The following MAF variants were observed in gnomAD, a reference collection of about 807,000 sequenced individuals.
MAF encodes transcription factor Maf.
MAF carries 10 observed loss-of-function variants against 22.0 expected under a neutral mutation model. The observed-to-expected ratio is 0.45, with a 90% CI of 0.28 to 0.77. The LOEUF (loss-of-function observed/expected upper bound fraction) is 0.77. Ranked by LOEUF, MAF falls within the 30% of genes least tolerant of loss-of-function variation. The pLI is 0.12. For missense variants in MAF, 544 were observed against 548.4 expected, an observed-to-expected ratio of 0.99 and a Z score of 0.08; for synonymous variants, 337 against 255.8, an observed-to-expected ratio of 1.32 and a Z score of -3.03.
the MAF span, among the ~76,000 whole-genome samples, chr16:79,418,390 C>T: frequency 6.6e-6 from 1 of 152,000 alleles, no homozygotes; most frequent in South Asian, 2.1e-4. Context: ...CTGTGTCCTA[C>T]GTTGGGGCTG....
the MAF span, among the ~76,000 whole-genome samples, chr16:79,568,629 G>C: frequency 7.2e-5 from 11 of 152,150 alleles, no homozygotes; most frequent in South Asian, 2.1e-4. Context: ...TCTGAGTCTT[G>C]GATCTGGCCT....
the MAF span, among the ~76,000 whole-genome samples, chr16:79,236,958 A>T: frequency 6.7e-6 from 1 of 150,368 alleles, no homozygotes; most frequent in South Asian, 2.1e-4. Flanking sequence ...AAAAAAAAAA[A>T]ACTCAAATCC....
At chr16:79,212,510 TAAG>T in the MAF span, 8 of 191,000 alleles carry the variant, frequency 4.2e-5, no homozygotes, top group African/African-American at 7.0e-5. Flanking sequence ...CGTATATACT[TAAG>T]AATACACAGG....
At chr16:79,259,637 G>A in the MAF span, among the ~76,000 whole-genome samples, 10 of 152,272 alleles carry the variant, frequency 6.6e-5, no homozygotes, top group Admixed American at 5.2e-4. Context: ...ATAGAACACA[G>A]GCTCTTGGTT....
chr16:79,295,065 C>G, the MAF span, among the ~76,000 whole-genome samples: 3 of 144,894 alleles, frequency 2.1e-5, no homozygotes, highest in South Asian at 7.0e-4. Context: ...AAAAGTAATT[C>G]TCTCTAAATA....
the MAF span, among the ~76,000 whole-genome samples, chr16:79,281,059 G>A: frequency 0.93 from 141,297 of 152,188 alleles, 65,621 homozygotes; most frequent in East Asian, 1. Flanking sequence ...GAGACAGAAG[G>A]AAAAAGAGCA....
chr16:79,498,517 G>A, the MAF span, among the ~76,000 whole-genome samples: 1 of 152,196 alleles, frequency 6.6e-6, no homozygotes, highest in Non-Finnish European at 1.5e-5. Context: ...GCTTCACTTT[G>A]CCTGCTCCTG....
At chr16:79,535,100 A>G in the MAF span, among the ~76,000 whole-genome samples, 1 of 142,450 alleles carries the variant, frequency 7.0e-6, no homozygotes, top group Non-Finnish European at 1.5e-5. Flanking sequence ...TCAATTCTGC[A>G]TTTTGAATTC....
the MAF span, among the ~76,000 whole-genome samples, chr16:79,222,367 C>G: frequency 3.3e-5 from 5 of 152,088 alleles, no homozygotes; most frequent in Non-Finnish European, 5.9e-5. Context: ...CAACTGATAC[C>G]AGCCACTGCA....
At chr16:79,477,671 T>G in the MAF span, among the ~76,000 whole-genome samples, 1 of 152,202 alleles carries the variant, frequency 6.6e-6, no homozygotes. Context: ...TCTTATTTAT[T>G]CTGTGAGATT....
chr16:79,483,477 G>A, the MAF span, among the ~76,000 whole-genome samples: 1 of 151,142 alleles, frequency 6.6e-6, no homozygotes, highest in Non-Finnish European at 1.5e-5. Context: ...GAGTGGACAG[G>A]CCCGGAGGGG....
chr16:79,311,836 A>G, the MAF span, among the ~76,000 whole-genome samples: 6 of 152,180 alleles, frequency 3.9e-5, no homozygotes, highest in Admixed American at 2.0e-4. Context: ...TGTGGGCATG[A>G]AGGACGGAGT....
At chr16:79,211,495 G>C in the MAF span, 2 of 1,378,684 alleles carry the variant, frequency 1.5e-6, no homozygotes, top group Admixed American at 1.9e-5. Flanking sequence ...CCAAGATCCA[G>C]CTGAAACTGA....
the MAF span, among the ~76,000 whole-genome samples, chr16:79,576,265 A>T: frequency 2.4e-3 from 349 of 147,146 alleles, 1 homozygote; most frequent in African/African-American, 8.5e-3. Context: ...AAAAAGGACC[A>T]GTACTTTAGG....
At chr16:79,296,619 T>C in the MAF span, among the ~76,000 whole-genome samples, 1 of 145,454 alleles carries the variant, frequency 6.9e-6, no homozygotes, top group African/African-American at 2.5e-5. Context: ...GTTTCAAAGA[T>C]TTGTAATTTT....
intron 1 of MAF, 25 bp from the exon 2 acceptor site, chr16:79,594,578 T>C (rs1913396974): frequency 6.4e-7 from 1 of 1,553,532 alleles, no homozygotes; most frequent in South Asian, 1.2e-5. Context: ...AAAGGAATTT[T>C]AACACTATTT....
chr16:79,384,635 T>G, the MAF span, among the ~76,000 whole-genome samples: 41 of 151,646 alleles, frequency 2.7e-4, no homozygotes. Flanking sequence ...CGGGCGCCTG[T>G]AGTCCCAGCT....
At chr16:79,517,159 G>A in the MAF span, among the ~76,000 whole-genome samples, 3 of 152,118 alleles carry the variant, frequency 2.0e-5, no homozygotes, top group African/African-American at 7.2e-5. Context: ...CACCACTGAG[G>A]TCTGAGTTCT....
chr16:79,494,521 C>T, the MAF span, among the ~76,000 whole-genome samples: 16 of 152,272 alleles, frequency 1.1e-4, no homozygotes, highest in South Asian at 4.1e-4. Context: ...TCATGTGATC[C>T]GATTGTATTC....
Sources: allele counts gnomAD v4.1 joint callset (sites outside exome capture counted in the v4.1 genomes callset), GRCh38; gene constraint gnomAD v4.1.1; transcripts MANE v1.5; gene names NCBI Gene and HGNC (gene_info 2026-07-23, HGNC 2026-07-21).